ALX4: variants seen among roughly 807,000 people sequenced by gnomAD.
The protein encoded by ALX4 is homeobox protein aristaless-like 4.
ALX4 carries 22 observed loss-of-function variants against 40.6 expected under a neutral mutation model. The ratio of observed to expected loss-of-function variants is 0.54; its 90% CI spans 0.39 to 0.77. The LOEUF (loss-of-function observed/expected upper bound fraction) is 0.77. Ranked by LOEUF, ALX4 falls within the 30% of genes least tolerant of loss-of-function variation. The pLI is 0.00. For missense variants in ALX4, 556 were observed against 564.8 expected (o/e 0.98, Z 0.16); for synonymous variants, 266 against 240.5 (o/e 1.11, Z -0.98).
chr11:44,309,947 C>A lies in ALX4; in HGVS notation c.116G>T (p.Gly39Val). The A allele has an allele frequency of 2.5e-6, 4 of 1,593,704 alleles. No homozygotes were observed. The highest frequency in any genetic ancestry group is 3.4e-6 in the Non-Finnish European group (4 of 1,169,850). ...GAAAGTTGTGCCGAACTTGTCGCCT[C>A]CGGGAAATGCCCTAAAAGGCGACGA... ...EGSSPFRAFP[G>V]GDKFGTTFLS... is the part of the protein sequence containing the mutation. The change falls in exon 1 of 4, where the codon GGA becomes GTA. Residue 39 changes from glycine to valine, a missense_variant. Coordinates refer to ENST00000652299, the MANE Select transcript of ALX4 (RefSeq NM_021926.4).
chr11:44,267,569 C>T lies in ALX4; in HGVS notation c.831G>A (p.Gln277=), dbSNP rs530368100. The stretch of plus-strand genomic sequence containing the variant: ...AGAAGTGGGTTCGAACCTGCTGCAT[C>T]TGCCCAAAACGCTCCCGCTTCCTCC... The part of the protein sequence containing the change: ...AKWRKRERFG[Q]MQQVRTHFST... Residue 277 remains glutamine (Q), a synonymous_variant, in exon 3 of 4, where the codon CAG becomes CAA. Transcript: ENST00000652299. 3 of 1,614,164 alleles carry T rather than the reference C, an allele frequency of 1.9e-6. No individual in the cohort carries two copies. The highest frequency in any genetic ancestry group is 2.5e-6 in the Non-Finnish European group (3 of 1,180,024).
intron 1 of ALX4, among the ~76,000 whole-genome samples, chr11:44,307,435 AGAGAG>A (rs921566355): frequency 5.9e-5 from 9 of 152,198 alleles, no homozygotes; most frequent in Admixed American, 2.0e-4. Flanking sequence ...CAGGACACAG[AGAGAG>A]GGCTCAGGGG....
chr11:44,261,369 T>A lies in ALX4; in HGVS notation c.*3485A>T, dbSNP rs1331412392. 1 of 152,200 alleles carries A rather than the reference T, an allele frequency of 6.6e-6. No homozygotes were observed. The highest frequency in any genetic ancestry group is 2.4e-5 in the African/African-American group (1 of 41,428). 9.4% of individuals were successfully genotyped at this position (152,200 alleles called of 1,614,324 possible). A position where few individuals can be genotyped will look rare whatever the true frequency, so the allele number is the denominator to read the frequency against. ...GGGCACGGAGCTGGGTCCAGTGTGA[T>A]CACAGCTGTGTGTGCTGGGGACCCA... is the stretch of plus-strand genomic sequence containing the variant. On this transcript the variant is annotated 3_prime_UTR_variant, in exon 4 of 4. Transcript: ENST00000652299.
At chr11:44,309,470 C>A in intron 1 of ALX4, 127 bp downstream of exon 1, 1 of 1,479,372 alleles carries the variant, frequency 6.8e-7, no homozygotes, top group Non-Finnish European at 9.0e-7. Context: ...ATCCCGTTTA[C>A]CGACCAGAGT....
At chr11:44,282,020 A>T (rs1321224011) in intron 1 of ALX4, among the ~76,000 whole-genome samples, 1 of 152,210 alleles carries the variant, frequency 6.6e-6, no homozygotes, top group Non-Finnish European at 1.5e-5. Flanking sequence ...AAATAAGGAA[A>T]GTCTGAGAAA....
At chr11:44,279,633 C>G (rs1956297301) in intron 1 of ALX4, among the ~76,000 whole-genome samples, 1 of 152,204 alleles carries the variant, frequency 6.6e-6, no homozygotes, top group Non-Finnish European at 1.5e-5. Context: ...CCCCAAGTCC[C>G]CATCTCGGGC....
At chr11:44,275,751 C>T in intron 1 of ALX4, 93 bp from the exon 2 acceptor site, 1 of 1,255,418 alleles carries the variant, frequency 8.0e-7, no homozygotes, top group Non-Finnish European at 1.1e-6. Context: ...CGGGTAGCCA[C>T]CCCCTGCCTT....
rs184927222 is a variant in ALX4, at chr11:44,278,840, A to T, written c.467-3182T>A. Among the ~76,000 whole-genome samples, 11 of 152,064 alleles carry T rather than the reference A, an allele frequency of 7.2e-5. No individual in the cohort carries two copies. In the East Asian group the frequency reaches 2.1e-3, roughly 30 times the overall value. Reference sequence around the variant, plus strand: ...CCTGAGGACCTGGGGAGGGGAGGAGAGGGGGAGGGTGTGCCTGTGTCAGAG... The same window carrying T: ...CCTGAGGACCTGGGGAGGGGAGGAGTGGGGGAGGGTGTGCCTGTGTCAGAG... On this transcript the variant is annotated intron_variant, in intron 1 of 3. Transcript: ENST00000652299.
intron 1 of ALX4, among the ~76,000 whole-genome samples, chr11:44,302,848 G>A (rs926337040): frequency 4.6e-5 from 7 of 152,174 alleles, no homozygotes; most frequent in Non-Finnish European, 8.8e-5. Flanking sequence ...AAATGCGTGT[G>A]GGGGTGAGGA....
At chr11:44,277,138 G>A (rs1413104662) in intron 1 of ALX4, among the ~76,000 whole-genome samples, 1 of 152,204 alleles carries the variant, frequency 6.6e-6, no homozygotes, top group African/African-American at 2.4e-5. Flanking sequence ...TCCTCATAGG[G>A]TAGCTGTGGG....
chr11:44,294,051 C>G (rs1421855407), intron 1 of ALX4, among the ~76,000 whole-genome samples: 1 of 152,220 alleles, frequency 6.6e-6, no homozygotes, highest in Non-Finnish European at 1.5e-5. Context: ...CTGGTCAAGT[C>G]TGATGGGCAC....
intron 1 of ALX4, among the ~76,000 whole-genome samples, chr11:44,298,962 C>T (rs1019223681): frequency 6.6e-6 from 1 of 152,156 alleles, no homozygotes; most frequent in Non-Finnish European, 1.5e-5. Context: ...ATTCACTCAG[C>T]AACAGACATT....
intron 2 of ALX4, among the ~76,000 whole-genome samples, chr11:44,269,733 C>G (rs755705022): frequency 6.6e-6 from 1 of 152,250 alleles, no homozygotes; most frequent in Non-Finnish European, 1.5e-5. Context: ...GGTCTCCTCT[C>G]TGTGCTGCTG....
chr11:44,285,031 C>G (rs1403669934), intron 1 of ALX4, among the ~76,000 whole-genome samples: 2 of 151,998 alleles, frequency 1.3e-5, no homozygotes, highest in Non-Finnish European at 2.9e-5. Context: ...GTGGTGCACT[C>G]TTGGCTCAGT....
Position 44,264,808 on chromosome 11 carries a change from C to A in ALX4, c.*46G>T. 1 of 1,601,206 alleles carries A rather than the reference C, an allele frequency of 6.2e-7. No homozygotes were observed. The highest frequency in any genetic ancestry group is 8.5e-7 in the Non-Finnish European group (1 of 1,172,982). ...AGGCTGGGGGCCTGGAAAACATGGG[C>A]GTGGCCCATGGTGTCCCGAGGTGGG... On this transcript the variant is annotated 3_prime_UTR_variant, in exon 4 of 4. Coordinates refer to ENST00000652299, the MANE Select transcript of ALX4 (RefSeq NM_021926.4).
chr11:44,279,510 G>T (rs1284153880), intron 1 of ALX4, among the ~76,000 whole-genome samples: 2 of 152,042 alleles, frequency 1.3e-5, no homozygotes, highest in Non-Finnish European at 2.9e-5. Flanking sequence ...CCTGGGTGCT[G>T]GTCAGATCTG....
intron 2 of ALX4, among the ~76,000 whole-genome samples, chr11:44,271,911 A>G (rs908731799): frequency 8.5e-5 from 13 of 152,226 alleles, no homozygotes; most frequent in Non-Finnish European, 1.3e-4. Flanking sequence ...ACAAATGTAC[A>G]CACATACTGC....
At chr11:44,278,887 G>A (rs575306329) in intron 1 of ALX4, among the ~76,000 whole-genome samples, 1 of 152,158 alleles carries the variant, frequency 6.6e-6, no homozygotes, top group Non-Finnish European at 1.5e-5. Flanking sequence ...TCAGGGGAGC[G>A]CTGCTCCTGG....
At chr11:44,299,689 T>C (rs558375424) in intron 1 of ALX4, among the ~76,000 whole-genome samples, 26 of 152,232 alleles carry the variant, frequency 1.7e-4, no homozygotes, top group Middle Eastern at 3.4e-3. Flanking sequence ...GACCCTGTCT[T>C]TCATCTCCAC....
Sources: allele counts gnomAD v4.1 joint callset (sites outside exome capture counted in the v4.1 genomes callset), GRCh38; gene constraint gnomAD v4.1.1; transcripts MANE v1.5; gene names NCBI Gene and HGNC (gene_info 2026-07-23, HGNC 2026-07-21).